Variants in ATP9B observed in about 807,000 individuals in gnomAD.
ATP9B encodes the protein probable phospholipid-transporting ATPase IIB.
In ATP9B, 110 loss-of-function variants were observed where a neutral mutation model predicts 146.1. The ratio of observed to expected loss-of-function variants is 0.75; its 90% CI spans 0.65 to 0.88. The LOEUF (loss-of-function observed/expected upper bound fraction) is 0.88, where lower values mean the gene tolerates loss of function less well. ATP9B is among the 40% of genes least tolerant of loss of function. The pLI, the probability that ATP9B is intolerant of heterozygous loss-of-function variation, is 0.00. For synonymous variants in ATP9B, 604 were observed against 569.7 expected (o/e 1.06, Z -0.86); for missense variants, 1,499 against 1,496.4 (o/e 1.00, Z -0.03).
chr18:79,149,545 G>T (rs1293488686), intron 6 of ATP9B, among the ~76,000 whole-genome samples: 2 of 152,148 alleles, frequency 1.3e-5, no homozygotes, highest in East Asian at 1.9e-4. Context: ...AGGACAATGT[G>T]TAAAAGGAAA....
intron 8 of ATP9B, among the ~76,000 whole-genome samples, chr18:79,177,480 C>T (rs1382120224): frequency 6.6e-6 from 1 of 151,850 alleles, no homozygotes; most frequent in East Asian, 1.9e-4. Context: ...TGGTCTCAAG[C>T]AGTCCTCTCT....
intron 7 of ATP9B, among the ~76,000 whole-genome samples, chr18:79,161,426 G>A (rs1344924841): frequency 6.6e-6 from 1 of 152,046 alleles, no homozygotes; most frequent in African/African-American, 2.4e-5. Flanking sequence ...TATCCCTGGA[G>A]GATTATTGAT....
intron 5 of ATP9B, among the ~76,000 whole-genome samples, chr18:79,129,527 A>G (rs541848575): frequency 2.6e-5 from 4 of 151,874 alleles, no homozygotes; most frequent in Non-Finnish European, 5.9e-5. Context: ...TTCTCTCTTC[A>G]TTTTGAAGGA....
chr18:79,160,917 A>G (rs549589767), intron 7 of ATP9B, among the ~76,000 whole-genome samples: 9 of 152,172 alleles, frequency 5.9e-5, no homozygotes, highest in African/African-American at 2.2e-4. Context: ...GACTCCAGGC[A>G]CGCCACCACT....
intron 6 of ATP9B, among the ~76,000 whole-genome samples, chr18:79,148,955 C>A (rs1482298190): frequency 6.6e-6 from 1 of 152,134 alleles, no homozygotes; most frequent in Non-Finnish European, 1.5e-5. Flanking sequence ...AAATGCAGTA[C>A]TCTTACAGTC....
At chr18:79,302,001 C>T (rs1179046697) in intron 13 of ATP9B, among the ~76,000 whole-genome samples, 4 of 152,156 alleles carry the variant, frequency 2.6e-5, no homozygotes, top group Admixed American at 2.6e-4. Flanking sequence ...CTAATCCTCA[C>T]GCACTTAGAG....
rs755277100 is a variant in ATP9B at position 79,113,361 on chromosome 18, A to C, written c.558+7A>C. On this transcript the variant is annotated splice_region_variant and intron_variant, in intron 4 of 29. Transcript: ENST00000426216. ...CACCTACTGGGCTCCTCTGGTAAGA[A>C]AAGACTTTAAAAATTAAGTTAAATT... is the stretch of plus-strand genomic sequence containing the variant. The C allele has an allele frequency of 1.6e-5, 22 of 1,415,132 alleles. No homozygotes were observed. Among genetic ancestry groups the C allele is most frequent in the African/African-American group, 7.5e-5 (5 of 66,926 alleles). 87.7% of individuals were successfully genotyped at this position (1,415,132 alleles called of 1,614,324 possible).
chr18:79,375,371 T>C (rs755475847), intron 28 of ATP9B, 23 bp from the exon 29 acceptor site: 1 of 1,597,488 alleles, frequency 6.3e-7, no homozygotes, highest in Non-Finnish European at 8.6e-7. Context: ...TCCTTTATTT[T>C]CTTTATTACT....
At chr18:79,124,751 C>A (rs144894940) in intron 4 of ATP9B, among the ~76,000 whole-genome samples, 1 of 152,204 alleles carries the variant, frequency 6.6e-6, no homozygotes, top group East Asian at 1.9e-4. Context: ...ATTGGGAGAG[C>A]TGGGGAGAGC....
chr18:79,249,444 G>A (rs1466249638), intron 11 of ATP9B, among the ~76,000 whole-genome samples: 2 of 152,160 alleles, frequency 1.3e-5, no homozygotes, highest in South Asian at 2.1e-4. Context: ...TACTAATATA[G>A]GAGATGACAA....
At chr18:79,259,892 G>C (rs1200485736) in intron 12 of ATP9B, among the ~76,000 whole-genome samples, 1 of 152,132 alleles carries the variant, frequency 6.6e-6, no homozygotes, top group Non-Finnish European at 1.5e-5. Context: ...TCATTTTCCA[G>C]GTAGAATGCT....
chr18:79,374,031 G>A lies in ATP9B; in HGVS notation c.3204G>A (p.Leu1068=), dbSNP rs1232545582. ...TGACCGTCCGCACGTGGCACTGGCTGATGGTGGTGGCCGAGTTCCTCAGCT... is the reference window on the plus strand; with the variant it reads ...TGACCGTCCGCACGTGGCACTGGCTAATGGTGGTGGCCGAGTTCCTCAGCT... The part of the protein sequence containing the change: ...VALTVRTWHW[L]MVVAEFLSLG... The change falls in exon 28 of 30, where the codon CTG becomes CTA. Residue 1068 remains leucine, a synonymous_variant. Transcript: ENST00000426216. The A allele has an allele frequency of 1.2e-6, 2 of 1,614,124 alleles. No individual in the cohort carries two copies. Among genetic ancestry groups the A allele is most frequent in the Admixed American group, 1.7e-5 (1 of 60,008 alleles).
At position 79,110,584 on chromosome 18, in the gene ATP9B, A is replaced by G; in HGVS notation, c.444+79A>G. On this transcript the variant is annotated intron_variant, in intron 3 of 29. Coordinates refer to ENST00000426216, the MANE Select transcript of ATP9B (RefSeq NM_198531.5). ...CTTTGCTATAGGATGGAGCCTGTTGAGACTCTGACTTAGGTATTGAGTTGT... is the reference window on the plus strand; with the variant it reads ...CTTTGCTATAGGATGGAGCCTGTTGGGACTCTGACTTAGGTATTGAGTTGT... 2.2e-6 allele frequency: 3 copies of G among 1,386,356 alleles called. No homozygotes were observed. The East Asian group carries it at 7.2e-5, about 33-fold the overall frequency. The allele number at this position is 1,386,356 out of a possible 1,614,324, so 85.9% of individuals were successfully genotyped here.
Position 79,096,596 on chromosome 18 carries a change from G to T in ATP9B, c.240G>T (p.Arg80Ser). ...HTLPRARIMQ[R>S]KRGLEWFVCD... is the part of the protein sequence containing the mutation. ...TACCACGAGCCAGGATAATGCAAAG[G>T]AAAAGAGGACTGGAGTGGTTTGTCT... Residue 80 changes from arginine (R) to serine (S), a missense_variant, in exon 2 of 30, where the codon AGG becomes AGT. Coordinates refer to ENST00000426216, the MANE Select transcript of ATP9B (RefSeq NM_198531.5). 1 of 1,614,068 alleles carries T rather than the reference G, an allele frequency of 6.2e-7. No individual in the cohort carries two copies. The highest frequency in any genetic ancestry group is 8.5e-7 in the Non-Finnish European group (1 of 1,179,992).
intron 15 of ATP9B, among the ~76,000 whole-genome samples, chr18:79,314,086 G>A (rs866335161): frequency 6.6e-6 from 1 of 152,154 alleles, no homozygotes; most frequent in Non-Finnish European, 1.5e-5. Context: ...TTAGAATATT[G>A]CACCCTGGAG....
At chr18:79,146,405 G>T (rs1316111590) in intron 6 of ATP9B, 6 of 104,360 alleles carry the variant, frequency 5.7e-5, no homozygotes, top group Admixed American at 1.1e-4. Context: ...TGAAGGTGCA[G>T]GCTGCATGTC....
chr18:79,082,871 A>G (rs1411435754), intron 1 of ATP9B, among the ~76,000 whole-genome samples: 1 of 152,192 alleles, frequency 6.6e-6, no homozygotes, highest in Admixed American at 6.5e-5. Context: ...TCCAGTCAGG[A>G]TACATGGCGG....
intron 6 of ATP9B, among the ~76,000 whole-genome samples, chr18:79,148,233 T>A (rs1316430429): frequency 2.0e-5 from 3 of 152,240 alleles, no homozygotes; most frequent in Non-Finnish European, 4.4e-5. Flanking sequence ...TACAGAAGAC[T>A]TAGCATCAAC....
At chr18:79,374,141 T>G (rs763640553) in intron 28 of ATP9B, 40 bp downstream of exon 28, 13 of 1,588,938 alleles carry the variant, frequency 8.2e-6, no homozygotes, top group African/African-American at 6.7e-5. Flanking sequence ...CGTTCTCTAT[T>G]CATGATTTTG....
Sources: gnomAD v4.1 joint callset for allele counts (sites outside exome capture counted in the v4.1 genomes callset) on GRCh38, gnomAD v4.1.1 for gene constraint, MANE v1.5 for transcripts, NCBI Gene and HGNC (gene_info 2026-07-23, HGNC 2026-07-21) for gene names.